MALRD1: variants seen among roughly 807,000 people sequenced by gnomAD.
MALRD1 encodes MAM and LDL receptor class A domain containing 1.
Under a neutral mutation model 242.1 loss-of-function variants are expected in MALRD1, and 247 were observed. The observed-to-expected ratio is 1.02, with a 90% CI of 0.92 to 1.13. MALRD1 has a LOEUF of 1.13. Ranked by LOEUF, MALRD1 falls within the 50% of genes most tolerant of loss-of-function variation. The pLI is 0.00. For missense variants in MALRD1, 2,989 were observed against 2,533.1 expected (o/e 1.18, Z -3.86); for synonymous variants, 995 against 866.6 (o/e 1.15, Z -2.60).
At chr10:19,697,394 C>G (rs1400369011) in intron 38 of MALRD1, among the ~76,000 whole-genome samples, 1 of 151,986 alleles carries the variant, frequency 6.6e-6, no homozygotes, top group Middle Eastern at 3.2e-3. Context: ...GCCCCCGCCC[C>G]CGCCCCCATT....
intron 18 of MALRD1, among the ~76,000 whole-genome samples, chr10:19,253,893 G>C (rs1839397339): frequency 6.6e-6 from 1 of 151,920 alleles, no homozygotes; most frequent in East Asian, 1.9e-4. Flanking sequence ...CATGGGTCAA[G>C]GGTGGGACCA....
At chr10:19,672,362 A>G (rs971323322) in intron 36 of MALRD1, among the ~76,000 whole-genome samples, 4 of 149,194 alleles carry the variant, frequency 2.7e-5, no homozygotes, top group African/African-American at 7.4e-5. Context: ...AGGTTGATCT[A>G]TGACTTTCTA....
intron 29 of MALRD1, among the ~76,000 whole-genome samples, chr10:19,455,643 C>T (rs3864830): frequency 0.45 from 67,678 of 151,964 alleles, 15,656 homozygotes; most frequent in African/African-American, 0.57. Flanking sequence ...TGAATATTCA[C>T]TGGCCAATAA....
At chr10:19,216,464 C>T (rs934558625) in intron 18 of MALRD1, among the ~76,000 whole-genome samples, 3 of 152,060 alleles carry the variant, frequency 2.0e-5, no homozygotes, top group Non-Finnish European at 4.4e-5. Context: ...CATATTCTCT[C>T]CTTTCTCCTA....
At chr10:19,046,951 G>A (rs1834352781), upstream of MALRD1, among the ~76,000 whole-genome samples, 1 of 152,184 alleles carries the variant, frequency 6.6e-6, no homozygotes, top group Non-Finnish European at 1.5e-5. Context: ...AGGCTGTGCT[G>A]GAGAGCATAG....
chr10:19,146,094 A>G, intron 10 of MALRD1, 104 bp from the exon 11 acceptor site: 1 of 804,832 alleles, frequency 1.2e-6, no homozygotes, highest in Middle Eastern at 4.1e-4. Flanking sequence ...ACTACCAAGC[A>G]GAATAATTTT....
intron 11 of MALRD1, among the ~76,000 whole-genome samples, chr10:19,149,659 A>G (rs1303516718): frequency 6.6e-6 from 1 of 152,150 alleles, no homozygotes; most frequent in African/African-American, 2.4e-5. Flanking sequence ...AAGTCATCAA[A>G]TACTATCTAT....
At chr10:19,598,057 A>G (rs1838185979) in intron 34 of MALRD1, among the ~76,000 whole-genome samples, 1 of 152,126 alleles carries the variant, frequency 6.6e-6, no homozygotes, top group South Asian at 2.1e-4. Flanking sequence ...CCCTGCCACC[A>G]TGCCAGTGCT....
At chr10:19,427,625 C>T (rs1030718950) in intron 28 of MALRD1, among the ~76,000 whole-genome samples, 2 of 152,112 alleles carry the variant, frequency 1.3e-5, no homozygotes, top group African/African-American at 4.8e-5. Context: ...TTTTTGGCTT[C>T]ATCCCCTAAG....
At chr10:19,127,818 C>A (rs1837329564) in intron 7 of MALRD1, among the ~76,000 whole-genome samples, 2 of 151,118 alleles carry the variant, frequency 1.3e-5, no homozygotes, top group South Asian at 4.2e-4. Flanking sequence ...AAAAGTAAAT[C>A]AAAAAATCAT....
chr10:19,123,093 C>T (rs1166262499), intron 5 of MALRD1, among the ~76,000 whole-genome samples: 1 of 152,130 alleles, frequency 6.6e-6, no homozygotes, highest in Non-Finnish European at 1.5e-5. Flanking sequence ...ATCCACCTTC[C>T]AGGTTTAAGG....
chr10:19,508,826 G>A (rs1468652003), intron 31 of MALRD1, among the ~76,000 whole-genome samples: 1 of 152,146 alleles, frequency 6.6e-6, no homozygotes. Flanking sequence ...ATATTACACT[G>A]CATAGGTAAA....
intron 21 of MALRD1, among the ~76,000 whole-genome samples, chr10:19,304,465 A>T (rs1842085509): frequency 6.6e-6 from 1 of 151,678 alleles, no homozygotes. Flanking sequence ...TCAAAATTAC[A>T]TTTGTACAAG....
At chr10:19,687,895 ATTAT>A (rs1292527972) in intron 36 of MALRD1, among the ~76,000 whole-genome samples, 2 of 150,904 alleles carry the variant, frequency 1.3e-5, no homozygotes, top group East Asian at 2.0e-4. Flanking sequence ...CTTAATTATT[ATTAT>A]TTATTTTTTT....
Position 19,331,525 on chromosome 10 carries a change from C to G in MALRD1, c.3844C>G (p.Leu1282Val). The G allele has an allele frequency of 1.9e-6, 3 of 1,550,314 alleles. No individual in the cohort carries two copies. Among genetic ancestry groups the G allele is most frequent in the Non-Finnish European group, 2.6e-6 (3 of 1,146,784 alleles). ...ANKHCIAKDKLCDFVNDCADN... is the reference protein window; with the variant it reads ...ANKHCIAKDKVCDFVNDCADN... ...TAAGCACTGCATTGCCAAAGACAAG[C>G]TGTGTGATTTTGTGAATGATTGTGC... The change falls in exon 24 of 40, where the codon CTG becomes GTG. Residue 1282 changes from leucine (L) to valine (V), a missense_variant. Transcript: ENST00000454679.
At chr10:19,139,384 T>A (rs528865638) in intron 10 of MALRD1, among the ~76,000 whole-genome samples, 1 of 152,250 alleles carries the variant, frequency 6.6e-6, no homozygotes, top group Admixed American at 6.5e-5. Flanking sequence ...CAAGTTTTTT[T>A]CATAAACGAT....
chr10:19,164,732 A>G (rs1327048381), intron 12 of MALRD1, among the ~76,000 whole-genome samples: 2 of 152,210 alleles, frequency 1.3e-5, no homozygotes, highest in East Asian at 1.9e-4. Context: ...GGTTGAATCA[A>G]TAACAGTACG....
chr10:19,273,936 A>G (rs1232012114), intron 19 of MALRD1, among the ~76,000 whole-genome samples: 2 of 152,178 alleles, frequency 1.3e-5, no homozygotes, highest in African/African-American at 4.8e-5. Context: ...ATGAGACATC[A>G]CCTCATACCC....
At chr10:19,590,683 A>G (rs1396917506) in intron 33 of MALRD1, among the ~76,000 whole-genome samples, 1 of 152,172 alleles carries the variant, frequency 6.6e-6, no homozygotes, top group East Asian at 1.9e-4. Context: ...TAGCAAAATT[A>G]ATACGTGTAT....
Sources: gnomAD v4.1 joint callset for allele counts (sites outside exome capture counted in the v4.1 genomes callset) on GRCh38, gnomAD v4.1.1 for gene constraint, MANE v1.5 for transcripts, NCBI Gene and HGNC (gene_info 2026-07-23, HGNC 2026-07-21) for gene names.